Variants in SVIL observed in about 807,000 individuals in gnomAD.
SVIL encodes supervillin, also known as archvillin.
A neutral mutation model predicts 240.4 loss-of-function variants in SVIL; 101 were observed. That is an observed-to-expected ratio of 0.42 (90% CI 0.36 to 0.50). The LOEUF is 0.50. SVIL is among the 20% of genes least tolerant of loss of function. The pLI is 0.01. For missense variants in SVIL, 2,512 were observed against 2,818.7 expected, an observed-to-expected ratio of 0.89 and a Z score of 2.46; for synonymous variants, 999 against 1,100.0, an observed-to-expected ratio of 0.91 and a Z score of 1.82.
At chr10:29,734,088 T>C (rs960175451) in intron 1 of SVIL, among the ~76,000 whole-genome samples, 2 of 152,166 alleles carry the variant, frequency 1.3e-5, no homozygotes, top group Non-Finnish European at 2.9e-5. Context: ...CAAACAGAGC[T>C]CCGTGCTGTG....
intron 33 of SVIL, among the ~76,000 whole-genome samples, chr10:29,466,417 C>T (rs984908990): frequency 5.9e-5 from 9 of 152,046 alleles, no homozygotes; most frequent in East Asian, 1.9e-4. Context: ...GAGAAATGAA[C>T]GCTTCTGTGT....
At chr10:29,566,743 G>GC (rs1354692096) in intron 2 of SVIL, among the ~76,000 whole-genome samples, 1 of 150,778 alleles carries the variant, frequency 6.6e-6, no homozygotes, top group Non-Finnish European at 1.5e-5. Flanking sequence ...TGACTCAGAG[G>GC]CCCCCCAGCG....
rs369192952 is a variant in SVIL at position 29,481,632 on chromosome 10, T to A, written c.5052A>T (p.Glu1684Asp). 8.1e-5 allele frequency: 130 copies of A among 1,614,168 alleles called. No homozygotes were observed. The East Asian group carries it at 2.5e-3, about 31-fold the overall frequency. Residue 1684 changes from glutamate to aspartate, a missense_variant, in exon 28 of 38, where the codon GAA becomes GAT. Coordinates refer to ENST00000355867, the MANE Select transcript of SVIL (RefSeq NM_021738.3). ...GGTTCTTCTCATTCGATCTCTTCAG[T>A]TCCGTCCAATCCAGAAACTTCTCTT... The part of the protein sequence containing the change: ...LFKEKFLDWT[E>D]LKRSNEKNPG...
chr10:29,606,941 G>C (rs942324063), intron 1 of SVIL, among the ~76,000 whole-genome samples: 2 of 152,132 alleles, frequency 1.3e-5, no homozygotes, highest in African/African-American at 4.8e-5. Context: ...TTTTAGTAGA[G>C]ACGAGGTTTC....
Position 29,550,901 on chromosome 10 carries a change from G to T in SVIL, c.523C>A (p.Leu175Ile). Residue 175 changes from leucine to isoleucine, a missense_variant, in exon 6 of 38, where the codon CTC (leucine) becomes ATC (isoleucine). This residue lies in a region of SVIL where 1,443 missense variants were observed against 1,486.6 expected (regional missense o/e 0.97). Transcript: ENST00000355867. ...TTGGATTCACCGGCACAGGTCCTGA[G>T]CCCCATCGTCTCGGTCCCGGGGTAC... ...SLYPGTETMG[L>I]RTCAGESKDY... is the part of the protein sequence containing the mutation. 1 of 1,614,078 alleles carries T rather than the reference G, an allele frequency of 6.2e-7. No homozygotes were observed.
At chr10:29,717,530 G>T (rs1963703967) in intron 1 of SVIL, among the ~76,000 whole-genome samples, 1 of 151,958 alleles carries the variant, frequency 6.6e-6, no homozygotes, top group African/African-American at 2.4e-5. Flanking sequence ...AAAATGTTGG[G>T]GAATACTTTG....
At chr10:29,542,701 A>G (rs1952273615) in intron 6 of SVIL, among the ~76,000 whole-genome samples, 1 of 152,224 alleles carries the variant, frequency 6.6e-6, no homozygotes, top group South Asian at 2.1e-4. Context: ...TAGTTATTTT[A>G]AAATGCACGA....
Position 29,480,904 on chromosome 10 carries a change from A to G in SVIL, c.5101-91T>C, listed in dbSNP as rs1221812678. 56 of 1,437,308 alleles carry G rather than the reference A, an allele frequency of 3.9e-5. 1 individual carries two copies. In the Middle Eastern group the frequency reaches 9.3e-4, roughly 24 times the overall value. 89.0% of individuals were successfully genotyped at this position (1,437,308 alleles called of 1,614,324 possible). A position where few individuals can be genotyped will look rare whatever the true frequency, so the allele number is the denominator to read the frequency against. On this transcript the variant is annotated intron_variant, in intron 28 of 37. Coordinates refer to ENST00000355867, the MANE Select transcript of SVIL (RefSeq NM_021738.3). The stretch of plus-strand genomic sequence containing the variant: ...ATGCTGCTTCAGCTGTTCATGGGAC[A>G]GCATAAAAATACAGCTTCCACACTC...
chr10:29,522,472 G>T lies in SVIL; in HGVS notation c.3327C>A (p.Ile1109=), dbSNP rs767257078. 6 of 1,614,046 alleles carry T rather than the reference G, an allele frequency of 3.7e-6. No individual in the cohort carries two copies. The South Asian group carries it at 6.6e-5, about 18-fold the overall frequency. ...NPCAMFAAGE[I]KTPTGEGLLD... is the part of the protein sequence containing the mutation. ...GAAGGCCCTCCCCTGTCGGCGTTTT[G>T]ATCTCTCCAGCAGCAAACATCGCAC... The change falls in exon 16 of 38, where the codon ATC becomes ATA. Residue 1109 remains isoleucine (I), a synonymous_variant. Coordinates refer to ENST00000355867, the MANE Select transcript of SVIL (RefSeq NM_021738.3).
At chr10:29,731,032 CTCT>C (rs1564370761) in intron 1 of SVIL, among the ~76,000 whole-genome samples, 1 of 152,130 alleles carries the variant, frequency 6.6e-6, no homozygotes, top group Non-Finnish European at 1.5e-5. Flanking sequence ...CATATAACGC[CTCT>C]TCTATCTTCC....
chr10:29,532,179 G>C lies in SVIL; in HGVS notation c.1839-7C>G, dbSNP rs1951418950. Reference sequence around the variant, plus strand: ...CCTCTCCACCCGTGATTTGCTTTGAGAATCAAAGGGCAGAGAGTATAAGGA... The same window carrying C: ...CCTCTCCACCCGTGATTTGCTTTGACAATCAAAGGGCAGAGAGTATAAGGA... On this transcript the variant is annotated splice_polypyrimidine_tract_variant and splice_region_variant and intron_variant, in intron 8 of 37. Transcript: ENST00000355867. The C allele has an allele frequency of 6.2e-7, 1 of 1,613,170 alleles. No individual in the cohort carries two copies. Among genetic ancestry groups the C allele is most frequent in the Non-Finnish European group, 8.5e-7 (1 of 1,179,720 alleles).
intron 1 of SVIL, among the ~76,000 whole-genome samples, chr10:29,689,914 A>C (rs1961373681): frequency 1.3e-5 from 2 of 152,208 alleles, no homozygotes; most frequent in South Asian, 2.1e-4. Context: ...GCATTAGAGA[A>C]TTTCCCCAAT....
At chr10:29,635,856 T>C (rs1234998142), upstream of SVIL, among the ~76,000 whole-genome samples, 1 of 152,194 alleles carries the variant, frequency 6.6e-6, no homozygotes, top group Non-Finnish European at 1.5e-5. Flanking sequence ...CAGCAAAAGC[T>C]GTGTGCTGCG....
intron 2 of SVIL, among the ~76,000 whole-genome samples, chr10:29,678,869 T>C (rs1960407412): frequency 6.6e-6 from 1 of 152,144 alleles, no homozygotes; most frequent in Admixed American, 6.5e-5. Context: ...CATGACCATC[T>C]CCCAGCATTG....
Position 29,484,352 on chromosome 10 carries a change from T to G in SVIL, c.4955+304A>C, listed in dbSNP as rs1947186836. On this transcript the variant is annotated intron_variant, in intron 27 of 37. Coordinates refer to ENST00000355867, the MANE Select transcript of SVIL (RefSeq NM_021738.3). The surrounding 1 kb of genome is among the most constrained non-coding windows in gnomAD (Gnocchi z 4.7). ...TCCGCATGTAATTTGTTTAAACAAT[T>G]GCTGTTCATCTGCCACAGCAGCACT... Among the ~76,000 whole-genome samples the G allele has an allele frequency of 6.6e-6, 1 of 152,204 alleles. No homozygotes were observed. Among genetic ancestry groups the G allele is most frequent in the Non-Finnish European group, 1.5e-5 (1 of 68,042 alleles).
chr10:29,543,440 G>T (rs1442378921), intron 6 of SVIL, among the ~76,000 whole-genome samples: 1 of 152,154 alleles, frequency 6.6e-6, no homozygotes, highest in African/African-American at 2.4e-5. Flanking sequence ...AATCACTTTG[G>T]CAGTCATATA....
At position 29,494,399 on chromosome 10, in the gene SVIL, A is replaced by G. The variant is rs150852040; in HGVS notation, c.3841+515T>C. Among the ~76,000 whole-genome samples, 348 of 152,366 alleles carry G rather than the reference A, an allele frequency of 2.3e-3. 2 individuals carry two copies. Among genetic ancestry groups the G allele is most frequent in the African/African-American group, 8.1e-3 (335 of 41,588 alleles). On this transcript the variant is annotated intron_variant, in intron 20 of 37. Coordinates refer to ENST00000355867, the MANE Select transcript of SVIL (RefSeq NM_021738.3). ...GTCACTGTCAATAGTAGGGACTCCC[A>G]GCGCCTAGTATTTGATAAGTTTCCA...
intron 1 of SVIL, among the ~76,000 whole-genome samples, chr10:29,726,752 A>C (rs1964316383): frequency 6.6e-6 from 1 of 152,126 alleles, no homozygotes; most frequent in African/African-American, 2.4e-5. Context: ...AACTCAAAAA[A>C]AAAAGTGCTA....
At chr10:29,567,733 G>T (rs566786733) in intron 2 of SVIL, among the ~76,000 whole-genome samples, 4 of 152,028 alleles carry the variant, frequency 2.6e-5, no homozygotes, top group Non-Finnish European at 4.4e-5. Flanking sequence ...AGACCAAGCC[G>T]AGGCCAGGCG....
Sources: allele counts gnomAD v4.1 joint callset (sites outside exome capture counted in the v4.1 genomes callset), GRCh38; gene constraint gnomAD v4.1.1; regional missense constraint gnomAD v4.1.1; non-coding constraint Gnocchi (gnomAD v3.1); transcripts MANE v1.5; gene names NCBI Gene and HGNC (gene_info 2026-07-23, HGNC 2026-07-21).